Variants in LRRTM4 observed in about 807,000 individuals in gnomAD.
LRRTM4 encodes leucine-rich repeat transmembrane neuronal protein 4.
A neutral mutation model predicts 47.6 loss-of-function variants in LRRTM4; 25 were observed. That is an observed-to-expected ratio of 0.53 (90% CI 0.38 to 0.73). The LOEUF is 0.73. LRRTM4 is among the 30% of genes least tolerant of loss of function. The probability of loss-of-function intolerance (pLI) is 0.00; values close to 1 mark genes in which losing one functional copy is unlikely to be tolerated. For synonymous variants in LRRTM4, 311 were observed against 269.5 expected (o/e 1.15, Z -1.51); for missense variants, 638 against 713.4 (o/e 0.89, Z 1.20).
intron 3 of LRRTM4, among the ~76,000 whole-genome samples, chr2:76,801,586 G>GGT (rs1675685566): frequency 6.6e-6 from 1 of 151,914 alleles, no homozygotes; most frequent in South Asian, 2.1e-4. Context: ...AGTGGGTGCA[G>GGT]TGCACCAGCA....
chr2:77,179,265 T>C lies in LRRTM4; in HGVS notation c.1551+339053A>G, dbSNP rs565199003. On this transcript the variant is annotated intron_variant, in intron 3 of 3. Transcript: ENST00000409884. ...CAGAATTAACACGTCAGCAAGCAAA[T>C]TCCCTGAAATATGATGGTAGCAGCT... Among the ~76,000 whole-genome samples, 11 of 152,230 alleles carry C rather than the reference T, an allele frequency of 7.2e-5. No homozygotes were observed. The South Asian group carries it at 8.3e-4, about 11-fold the overall frequency.
chr2:77,341,828 A>C (rs1320829907), intron 3 of LRRTM4, among the ~76,000 whole-genome samples: 1 of 152,002 alleles, frequency 6.6e-6, no homozygotes, highest in Non-Finnish European at 1.5e-5. Flanking sequence ...GGGAAGAAAG[A>C]AAGCATTTGT....
chr2:76,785,336 G>A (rs2104178288), intron 3 of LRRTM4, among the ~76,000 whole-genome samples: 1 of 152,160 alleles, frequency 6.6e-6, no homozygotes, highest in African/African-American at 2.4e-5. Flanking sequence ...TTAATAATAA[G>A]AAGGATTAAG....
In LRRTM4 at chr2:76,747,939, C is replaced by G. The variant is rs1307064910; in HGVS notation, c.*756G>C. 1 of 152,182 alleles carries G rather than the reference C, an allele frequency of 6.6e-6. No individual in the cohort carries two copies. The highest frequency in any genetic ancestry group is 2.4e-5 in the African/African-American group (1 of 41,438). The allele number at this position is 152,182 out of a possible 1,614,324, so 9.4% of individuals were successfully genotyped here. ...CATTCGGAGATCTTCATGGCTCTCTCAGGCATCCTACACAGTGAGGGCTGC... is the reference window on the plus strand; with the variant it reads ...CATTCGGAGATCTTCATGGCTCTCTGAGGCATCCTACACAGTGAGGGCTGC... On this transcript the variant is annotated 3_prime_UTR_variant, in exon 4 of 4. Coordinates refer to ENST00000409884, the MANE Select transcript of LRRTM4 (RefSeq NM_001134745.3).
chr2:77,460,169 T>A (rs1676733740), intron 3 of LRRTM4, among the ~76,000 whole-genome samples: 2 of 152,114 alleles, frequency 1.3e-5, no homozygotes, highest in Non-Finnish European at 2.9e-5. Context: ...TTTGTATGTG[T>A]TTAATATGCT....
At chr2:77,229,592 T>C (rs1170562210) in intron 3 of LRRTM4, among the ~76,000 whole-genome samples, 1 of 152,040 alleles carries the variant, frequency 6.6e-6, no homozygotes, top group Admixed American at 6.6e-5. Flanking sequence ...CACCCCACAT[T>C]TAAGCCATGA....
intron 3 of LRRTM4, among the ~76,000 whole-genome samples, chr2:77,076,699 T>C (rs546262015): frequency 2.0e-5 from 3 of 152,320 alleles, no homozygotes; most frequent in Non-Finnish European, 1.5e-5. Flanking sequence ...ATAAAAGTCA[T>C]GCAAATGAGT....
intron 3 of LRRTM4, among the ~76,000 whole-genome samples, chr2:76,802,138 A>C (rs114154519): frequency 1.3e-5 from 2 of 152,206 alleles, no homozygotes; most frequent in Non-Finnish European, 2.9e-5. Flanking sequence ...TAGGCAAGGG[A>C]AAAGAATAAA....
chr2:77,471,685 C>T (rs1310320630), intron 3 of LRRTM4, among the ~76,000 whole-genome samples: 1 of 152,172 alleles, frequency 6.6e-6, no homozygotes, highest in Admixed American at 6.6e-5. Context: ...GATAGCTTCT[C>T]TAACTTTTTG....
intron 3 of LRRTM4, among the ~76,000 whole-genome samples, chr2:77,156,314 A>G (rs1014716543): frequency 8.6e-6 from 1 of 116,124 alleles, no homozygotes; most frequent in Non-Finnish European, 1.8e-5. Flanking sequence ...AACATAAGTA[A>G]AAGACACAAT....
intron 3 of LRRTM4, among the ~76,000 whole-genome samples, chr2:76,790,143 T>TC (rs1206009413): frequency 6.6e-6 from 1 of 152,202 alleles, no homozygotes; most frequent in East Asian, 1.9e-4. Flanking sequence ...AAGCAGTTTT[T>TC]CCCAGACTTA....
At chr2:77,414,033 C>A (rs1238993779) in intron 3 of LRRTM4, among the ~76,000 whole-genome samples, 1 of 152,142 alleles carries the variant, frequency 6.6e-6, no homozygotes, top group Non-Finnish European at 1.5e-5. Context: ...ATTTGCAATA[C>A]TCCTAACTGA....
intron 3 of LRRTM4, among the ~76,000 whole-genome samples, chr2:77,078,354 A>G (rs1386673295): frequency 2.0e-5 from 3 of 146,714 alleles, no homozygotes; most frequent in Non-Finnish European, 4.4e-5. Context: ...TATTGAAAAA[A>G]ATATGTTTGT....
intron 3 of LRRTM4, among the ~76,000 whole-genome samples, chr2:76,911,116 T>G (rs1674039042): frequency 6.6e-6 from 1 of 152,228 alleles, no homozygotes; most frequent in South Asian, 2.1e-4. Flanking sequence ...AAAACATATT[T>G]TTTGGTTTAA....
intron 3 of LRRTM4, among the ~76,000 whole-genome samples, chr2:76,753,735 A>C (rs1339681296): frequency 6.6e-6 from 1 of 152,094 alleles, no homozygotes; most frequent in African/African-American, 2.4e-5. Flanking sequence ...TTCTAAATCT[A>C]CCATAATTAT....
chr2:77,366,163 AC>A (rs35829339), intron 3 of LRRTM4, among the ~76,000 whole-genome samples: 108,789 of 151,268 alleles, frequency 0.72, 41,238 homozygotes, highest in Non-Finnish European at 0.85. Flanking sequence ...TGCTCTACCT[AC>A]CCCTCAAACA....
At position 77,065,450 on chromosome 2, in the gene LRRTM4, T is replaced by C. The variant is rs1327345996; in HGVS notation, c.1552-316534A>G. 2.6e-5 allele frequency among the ~76,000 whole-genome samples: 4 copies of C among 152,342 alleles called. No homozygotes were observed. In the East Asian group the frequency reaches 7.7e-4, roughly 29 times the overall value. On this transcript the variant is annotated intron_variant, in intron 3 of 3. Coordinates refer to ENST00000409884, the MANE Select transcript of LRRTM4 (RefSeq NM_001134745.3). ...TATTGACCTTTTTTATTAGGTCTTA[T>C]TATCCTCAGCATCTCAACATTGCCG...
intron 3 of LRRTM4, among the ~76,000 whole-genome samples, chr2:77,242,559 AG>A (rs1675298880): frequency 6.6e-6 from 1 of 152,204 alleles, no homozygotes; most frequent in African/African-American, 2.4e-5. Flanking sequence ...GTACATGAAA[AG>A]ATGCTCAACA....
intron 3 of LRRTM4, among the ~76,000 whole-genome samples, chr2:76,998,515 C>A (rs1222126456): frequency 6.6e-6 from 1 of 152,048 alleles, no homozygotes; most frequent in Non-Finnish European, 1.5e-5. Flanking sequence ...CACAGAACAA[C>A]AGTAACAACA....
Sources: allele counts gnomAD v4.1 joint callset (sites outside exome capture counted in the v4.1 genomes callset), GRCh38; gene constraint gnomAD v4.1.1; transcripts MANE v1.5; gene names NCBI Gene and HGNC (gene_info 2026-07-23, HGNC 2026-07-21).